LRP1B: variants seen among roughly 807,000 people sequenced by gnomAD.
The protein encoded by LRP1B is low-density lipoprotein receptor-related protein 1B.
Under a neutral mutation model 556.6 loss-of-function variants are expected in LRP1B, and 217 were observed. The ratio of observed to expected loss-of-function variants is 0.39; its 90% confidence interval spans 0.35 to 0.44. LRP1B has a LOEUF of 0.44. LRP1B is among the 20% of genes least tolerant of loss of function. The pLI is 1.00. For missense variants in LRP1B, 5,053 were observed against 5,620.8 expected, an observed-to-expected ratio of 0.90 and a Z score of 3.23; for synonymous variants, 2,047 against 1,865.8, an observed-to-expected ratio of 1.10 and a Z score of -2.50.
intron 3 of LRP1B, among the ~76,000 whole-genome samples, chr2:141,348,199 A>G (rs1688321087): frequency 6.6e-6 from 1 of 152,062 alleles, no homozygotes; most frequent in African/African-American, 2.4e-5. Context: ...TAAAAGGGAA[A>G]TTTAGTGACA....
At chr2:141,391,150 C>T (rs920558245) in intron 3 of LRP1B, among the ~76,000 whole-genome samples, 2 of 151,950 alleles carry the variant, frequency 1.3e-5, no homozygotes, top group Non-Finnish European at 2.9e-5. Context: ...CTTGGATAGT[C>T]GTTATACAAT....
In LRP1B at chr2:141,158,472, T is replaced by C. The variant is rs867982049; in HGVS notation, c.1013+29949A>G. Reference sequence around the variant, plus strand: ...GAAAGCTTGTGATAGAAAGCAGCACTACTGGCACCAACCAGGTCTCTCCTG... The same window carrying C: ...GAAAGCTTGTGATAGAAAGCAGCACCACTGGCACCAACCAGGTCTCTCCTG... On this transcript the variant is annotated intron_variant, in intron 7 of 90. Transcript: ENST00000389484. Among the ~76,000 whole-genome samples, 3 of 152,264 alleles carry C rather than the reference T, an allele frequency of 2.0e-5. No individual in the cohort carries two copies. In the South Asian group the frequency reaches 6.2e-4, roughly 32 times the overall value.
In LRP1B at chr2:141,145,906, T is replaced by TTTTC. The variant is rs1220976631; in HGVS notation, c.1013+42511_1013+42514dup. ...GTTTTAGTGTTATTTCACGTTTTTC[T>TTTTC]TTTCTTTCTTTCTTTCTTTTTTTTT... On this transcript the variant is annotated intron_variant, in intron 7 of 90. Coordinates refer to ENST00000389484, the MANE Select transcript of LRP1B (RefSeq NM_018557.3). 3.8e-3 allele frequency among the ~76,000 whole-genome samples: 497 copies of TTTTC among 131,534 alleles called. 8 individuals carry two copies. The highest frequency in any genetic ancestry group is 0.015 in the African/African-American group (486 of 32,698). 86.3% of individuals were successfully genotyped at this position (131,534 alleles called of 152,430 possible).
chr2:140,750,235 C>T (rs986082118), intron 35 of LRP1B, among the ~76,000 whole-genome samples: 1 of 151,990 alleles, frequency 6.6e-6, no homozygotes, highest in African/African-American at 2.4e-5. Context: ...ATCAATGTTT[C>T]CAGTGGTCAT....
intron 7 of LRP1B, among the ~76,000 whole-genome samples, chr2:141,107,392 A>G (rs1700632828): frequency 6.6e-6 from 1 of 152,202 alleles, no homozygotes; most frequent in South Asian, 2.1e-4. Flanking sequence ...TCATGCCTGT[A>G]ATCCCAGCGC....
In LRP1B at chr2:140,700,302, T is replaced by C; in HGVS notation, c.6747A>G (p.Gly2249=). 1 of 1,612,762 alleles carries C rather than the reference T, an allele frequency of 6.2e-7. No homozygotes were observed. The highest frequency in any genetic ancestry group is 8.5e-7 in the Non-Finnish European group (1 of 1,179,202). ...AGTTGTCTTTAATAAGCTGTATATT[T>C]CCAAAGTGTGCATCACTGTAAAAGA... is the stretch of plus-strand genomic sequence containing the variant. ...NRIFYSDAHF[G]NIQLIKDNWE... is the part of the protein sequence containing the mutation. The change falls in exon 41 of 91, where the codon GGA becomes GGG. Residue 2249 remains glycine (G), a synonymous_variant. Coordinates refer to ENST00000389484, the MANE Select transcript of LRP1B (RefSeq NM_018557.3).
Position 140,586,959 on chromosome 2 carries a change from T to A in LRP1B, c.7194+11672A>T, listed in dbSNP as rs150599517. Reference sequence around the variant, plus strand: ...AAAAGTAGCTATAATAAAATTTTTTTAAAAATAAAGGCTTTAGGAAAGAAA... The same window carrying A: ...AAAAGTAGCTATAATAAAATTTTTTAAAAAATAAAGGCTTTAGGAAAGAAA... On this transcript the variant is annotated intron_variant, in intron 43 of 90. Transcript: ENST00000389484. Among the ~76,000 whole-genome samples, 156 of 151,954 alleles carry A rather than the reference T, an allele frequency of 1.0e-3. 1 individual carries two copies. Among genetic ancestry groups the A allele is most frequent in the Admixed American group, 2.4e-3 (36 of 15,254 alleles).
intron 1 of LRP1B, among the ~76,000 whole-genome samples, chr2:141,870,785 A>G (rs1369966410): frequency 6.6e-6 from 1 of 151,980 alleles, no homozygotes; most frequent in African/African-American, 2.4e-5. Flanking sequence ...AAAAAATTAT[A>G]TCAGAATTGT....
chr2:141,625,028 A>AAAG (rs932378318), intron 2 of LRP1B, among the ~76,000 whole-genome samples: 18 of 152,162 alleles, frequency 1.2e-4, no homozygotes, highest in Non-Finnish European at 2.2e-4. Flanking sequence ...TCAGCCTCCC[A>AAAG]AAGTGCTGGG....
At chr2:140,253,848 C>CACACTG (rs1681560187) in intron 86 of LRP1B, among the ~76,000 whole-genome samples, 1 of 152,062 alleles carries the variant, frequency 6.6e-6, no homozygotes, top group South Asian at 2.1e-4. Context: ...TTACATTAGA[C>CACACTG]ACACTGGTTA....
intron 31 of LRP1B, 96 bp from the exon 32 acceptor site, chr2:140,813,902 A>C (rs1573753426): frequency 1.2e-6 from 1 of 848,602 alleles, no homozygotes; most frequent in Non-Finnish European, 1.8e-6. Context: ...AAATAAGTTG[A>C]AAGTTCAGAT....
chr2:140,485,206 T>C, intron 59 of LRP1B, 137 bp downstream of exon 59: 1 of 516,678 alleles, frequency 1.9e-6, no homozygotes, highest in Admixed American at 4.0e-5. Context: ...TTACTGTTTT[T>C]TTCTATTTCT....
At chr2:141,397,113 C>CAAAATAAAAAAAAAAAA (rs1690265900) in intron 3 of LRP1B, among the ~76,000 whole-genome samples, 1 of 41,964 alleles carries the variant, frequency 2.4e-5, no homozygotes, top group Admixed American at 3.6e-4. Context: ...AACTTTGTCT[C>CAAAATAAAAAAAAAAAA]AAAAAAAAAA....
At chr2:141,850,157 AC>A (rs1463434756) in intron 1 of LRP1B, among the ~76,000 whole-genome samples, 6 of 151,644 alleles carry the variant, frequency 4.0e-5, no homozygotes, top group Non-Finnish European at 7.4e-5. Flanking sequence ...TCATTATTAA[AC>A]CCTTTGCTGT....
At chr2:141,378,893 A>G (rs1296259493) in intron 3 of LRP1B, among the ~76,000 whole-genome samples, 2 of 152,210 alleles carry the variant, frequency 1.3e-5, no homozygotes, top group African/African-American at 2.4e-5. Flanking sequence ...GCCACCGAGC[A>G]GACAACCACT....
At chr2:140,319,498 G>C (rs773397927) in intron 82 of LRP1B, among the ~76,000 whole-genome samples, 1 of 152,042 alleles carries the variant, frequency 6.6e-6, no homozygotes, top group Non-Finnish European at 1.5e-5. Context: ...GTTTCTGAGA[G>C]GTTAAGTGGA....
At chr2:140,324,161 C>CG in intron 80 of LRP1B, 95 bp from the exon 81 acceptor site, 1 of 678,536 alleles carries the variant, frequency 1.5e-6, no homozygotes, top group African/African-American at 1.8e-5. Context: ...AACCTTATTA[C>CG]TGTTTAAAAA....
At chr2:140,247,269 C>T (rs1681207373) in intron 86 of LRP1B, 107 bp from the exon 87 acceptor site, 1 of 714,554 alleles carries the variant, frequency 1.4e-6, no homozygotes, top group Admixed American at 2.1e-5. Flanking sequence ...AGCCAGTCAT[C>T]ACAAATTCAT....
rs181305098 is a variant in LRP1B, at chr2:140,341,169, C to T, written c.11893-5331G>A. Reference sequence around the variant, plus strand: ...TGTGTTCTTATATCTCAGTGTCTCTCATCCATCAAATTCATTCAGATTATG... The same window carrying T: ...TGTGTTCTTATATCTCAGTGTCTCTTATCCATCAAATTCATTCAGATTATG... On this transcript the variant is annotated intron_variant, in intron 77 of 90. Coordinates refer to ENST00000389484, the MANE Select transcript of LRP1B (RefSeq NM_018557.3). Among the ~76,000 whole-genome samples, 399 of 151,706 alleles carry T rather than the reference C, an allele frequency of 2.6e-3. 1 individual carries two copies. The highest frequency in any genetic ancestry group is 9.4e-3 in the African/African-American group (391 of 41,514).
Sources: gnomAD v4.1 joint callset for allele counts (sites outside exome capture counted in the v4.1 genomes callset) on GRCh38, gnomAD v4.1.1 for gene constraint, MANE v1.5 for transcripts, NCBI Gene and HGNC (gene_info 2026-07-23, HGNC 2026-07-21) for gene names.